The following ZC3H7B variants were observed in gnomAD, a reference collection of about 807,000 sequenced individuals.
ZC3H7B encodes zinc finger CCCH domain-containing protein 7B.
ZC3H7B carries 35 observed loss-of-function variants against 116.0 expected under a neutral mutation model. The observed-to-expected ratio is 0.30, with a 90% CI of 0.23 to 0.40. The LOEUF (loss-of-function observed/expected upper bound fraction) is 0.40. Ranked by LOEUF, ZC3H7B falls within the 10% of genes least tolerant of loss-of-function variation. The probability of loss-of-function intolerance (pLI) is 1.00; values close to 1 mark genes in which losing one functional copy is unlikely to be tolerated. For synonymous variants in ZC3H7B, 502 were observed against 545.6 expected (o/e 0.92, Z 1.11); for missense variants, 1,011 against 1,321.5 (o/e 0.77, Z 3.64).
chr22:41,326,612 TTCC>T (rs1166847950), intron 4 of ZC3H7B, among the ~76,000 whole-genome samples: 2 of 151,956 alleles, frequency 1.3e-5, no homozygotes, highest in Non-Finnish European at 2.9e-5. Context: ...CTTCAGTGCC[TTCC>T]TCCTCCTCCT....
rs372090926 is a variant in ZC3H7B at position 41,342,641 on chromosome 22, C to T, written c.1297+13C>T. On this transcript the variant is annotated intron_variant, in intron 12 of 22. Coordinates refer to ENST00000352645, the MANE Select transcript of ZC3H7B (RefSeq NM_017590.6). ...TACCCCAAGACAGGTAAACTTTCAC[C>T]TGTAGACTCCACCCCTCTGCCCAGA... The T allele has an allele frequency of 1.0e-5, 16 of 1,605,408 alleles. No individual in the cohort carries two copies. In the African/African-American group the frequency reaches 1.9e-4, roughly 19 times the overall value.
At chr22:41,311,785 CG>C (rs2036121361) in intron 1 of ZC3H7B, among the ~76,000 whole-genome samples, 1 of 151,928 alleles carries the variant, frequency 6.6e-6, no homozygotes, top group Non-Finnish European at 1.5e-5. Context: ...AATGGAAGCT[CG>C]GGGATGTTGG....
At chr22:41,318,062 T>TA in intron 1 of ZC3H7B, among the ~76,000 whole-genome samples, 1 of 152,218 alleles carries the variant, frequency 6.6e-6, no homozygotes, top group African/African-American at 2.4e-5. Context: ...AAGCTAGACA[T>TA]AGAGTGGCCC....
chr22:41,339,118 G>A lies in ZC3H7B; in HGVS notation c.743G>A (p.Ser248Asn). 6.2e-7 allele frequency: 1 copy of A among 1,612,858 alleles called. No homozygotes were observed. Among genetic ancestry groups the A allele is most frequent in the Non-Finnish European group, 8.5e-7 (1 of 1,179,468 alleles). Residue 248 changes from serine (S) to asparagine (N), a missense_variant, in exon 9 of 23, where the codon AGC (serine) becomes AAC (asparagine). Coordinates refer to ENST00000352645, the MANE Select transcript of ZC3H7B (RefSeq NM_017590.6). ...APLDSSRTLP[S>N]TDSLDDFSDG... is the part of the protein sequence containing the mutation. ...CTGGACAGCAGCAGGACCCTCCCCAGCACCGACAGCCTGGATGACTTCTCA... is the reference window on the plus strand; with the variant it reads ...CTGGACAGCAGCAGGACCCTCCCCAACACCGACAGCCTGGATGACTTCTCA...
chr22:41,320,444 G>T (rs1180947179), intron 1 of ZC3H7B, among the ~76,000 whole-genome samples: 1 of 152,114 alleles, frequency 6.6e-6, no homozygotes, highest in African/African-American at 2.4e-5. Context: ...TGTCCCTTGA[G>T]GGTACCACAC....
intron 1 of ZC3H7B, among the ~76,000 whole-genome samples, chr22:41,311,587 G>T (rs1215981213): frequency 2.0e-5 from 3 of 152,110 alleles, no homozygotes; most frequent in African/African-American, 4.8e-5. Flanking sequence ...GTCATAGGCA[G>T]CCTGGGTGTT....
intron 2 of ZC3H7B, among the ~76,000 whole-genome samples, chr22:41,324,881 T>C (rs1047267172): frequency 6.6e-6 from 1 of 152,182 alleles, no homozygotes; most frequent in South Asian, 2.1e-4. Context: ...ACACTCATAC[T>C]TCCTGCCTTT....
intron 1 of ZC3H7B, among the ~76,000 whole-genome samples, chr22:41,306,568 C>T (rs927133028): frequency 6.6e-6 from 1 of 152,020 alleles, no homozygotes; most frequent in Non-Finnish European, 1.5e-5. Context: ...CGGGGTTTTG[C>T]CATGTTGGCC....
chr22:41,340,631 C>T (rs1039395160), intron 10 of ZC3H7B, among the ~76,000 whole-genome samples: 4 of 152,094 alleles, frequency 2.6e-5, no homozygotes, highest in Non-Finnish European at 4.4e-5. Context: ...TGTCGGGGCA[C>T]GGAGGGGACT....
chr22:41,314,909 A>G (rs542680226), intron 1 of ZC3H7B, among the ~76,000 whole-genome samples: 1 of 150,204 alleles, frequency 6.7e-6, no homozygotes, highest in African/African-American at 2.4e-5. Flanking sequence ...TGCCCGGCCA[A>G]TCATTATTAT....
Position 41,342,580 on chromosome 22 carries a change from G to A in ZC3H7B, c.1249G>A (p.Ala417Thr), listed in dbSNP as rs1430141168. ...TALLIKNPLAATHEFKQACQL... is the reference protein window; with the variant it reads ...TALLIKNPLATTHEFKQACQL... ...CTTGCTCATCAAGAACCCCTTGGCT[G>A]CCACCCACGAGTTCAAGCAGGCCTG... The change falls in exon 12 of 23, where the codon GCC becomes ACC. Residue 417 changes from alanine to threonine, a missense_variant. Coordinates refer to ENST00000352645, the MANE Select transcript of ZC3H7B (RefSeq NM_017590.6). 1 of 1,613,320 alleles carries A rather than the reference G, an allele frequency of 6.2e-7. No homozygotes were observed. The highest frequency in any genetic ancestry group is 8.5e-7 in the Non-Finnish European group (1 of 1,179,914).
chr22:41,343,627 A>C (rs752076239), intron 13 of ZC3H7B, 51 bp downstream of exon 13: 3 of 1,504,228 alleles, frequency 2.0e-6, no homozygotes. Flanking sequence ...CAGCCCCTCC[A>C]CCCCCAGCCG....
chr22:41,325,706 C>T lies in ZC3H7B; in HGVS notation c.88-15C>T. 6.2e-7 allele frequency: 1 copy of T among 1,611,066 alleles called. No individual in the cohort carries two copies. The highest frequency in any genetic ancestry group is 8.5e-7 in the Non-Finnish European group (1 of 1,178,826). On this transcript the variant is annotated splice_polypyrimidine_tract_variant and intron_variant, in intron 3 of 22. Transcript: ENST00000352645. ...CCAGAGGTCATGAGCCCCCTACACA[C>T]CTTGCCCCCAACAGGCCTTTCTGCT...
Position 41,355,454 on chromosome 22 carries a change from C to T in ZC3H7B, c.2035-15C>T, listed in dbSNP as rs1468587593. ...GCCTGCAGCTTCACCAACCCCCCTCCCCATCCCCCCACAGGGTGCTCCGAG... is the reference window on the plus strand; with the variant it reads ...GCCTGCAGCTTCACCAACCCCCCTCTCCATCCCCCCACAGGGTGCTCCGAG... On this transcript the variant is annotated splice_polypyrimidine_tract_variant and intron_variant, in intron 17 of 22. Coordinates refer to ENST00000352645, the MANE Select transcript of ZC3H7B (RefSeq NM_017590.6). 1 of 1,613,390 alleles carries T rather than the reference C, an allele frequency of 6.2e-7. No homozygotes were observed. Among genetic ancestry groups the T allele is most frequent in the African/African-American group, 1.3e-5 (1 of 74,926 alleles).
chr22:41,349,027 G>T lies in ZC3H7B; in HGVS notation c.1767-93G>T. ...GTACATAGATCAGGGGGTGCCCAGGGAGAGCCTGGCACTGGGAAGGTGGCC... is the reference window on the plus strand; with the variant it reads ...GTACATAGATCAGGGGGTGCCCAGGTAGAGCCTGGCACTGGGAAGGTGGCC... On this transcript the variant is annotated intron_variant, in intron 15 of 22. Transcript: ENST00000352645. This position sits in a 1 kb window ranked among gnomAD's most constrained non-coding sequence, Gnocchi z 4.9. 1 of 1,376,800 alleles carries T rather than the reference G, an allele frequency of 7.3e-7. No homozygotes were observed. Among genetic ancestry groups the T allele is most frequent in the South Asian group, 1.3e-5 (1 of 74,722 alleles). The allele number at this position is 1,376,800 out of a possible 1,614,324, so 85.3% of individuals were successfully genotyped here.
chr22:41,355,144 G>A (rs1463463587), intron 17 of ZC3H7B, among the ~76,000 whole-genome samples: 2 of 152,232 alleles, frequency 1.3e-5, no homozygotes, highest in East Asian at 3.8e-4. Flanking sequence ...TGGAGGAAGG[G>A]CAGCGGGAAC....
At chr22:41,348,736 G>C (rs1244520045) in intron 15 of ZC3H7B, among the ~76,000 whole-genome samples, 1 of 152,234 alleles carries the variant, frequency 6.6e-6, no homozygotes, top group African/African-American at 2.4e-5. Flanking sequence ...TAAAGCTGAT[G>C]ATGCTCTAGG....
intron 1 of ZC3H7B, among the ~76,000 whole-genome samples, chr22:41,303,685 C>G (rs949378729): frequency 1.4e-5 from 2 of 138,282 alleles, no homozygotes; most frequent in African/African-American, 4.9e-5. Flanking sequence ...ACCCAGTTTT[C>G]TGGCTCCAAA....
intron 5 of ZC3H7B, among the ~76,000 whole-genome samples, chr22:41,329,332 C>T (rs1389054646): frequency 6.8e-6 from 1 of 147,548 alleles, no homozygotes; most frequent in African/African-American, 2.5e-5. Flanking sequence ...AGTCTTGGCT[C>T]ACTGCAACCA....
Sources: allele counts gnomAD v4.1 joint callset (sites outside exome capture counted in the v4.1 genomes callset), GRCh38; gene constraint gnomAD v4.1.1; non-coding constraint Gnocchi (gnomAD v3.1); transcripts MANE v1.5; gene names NCBI Gene and HGNC (gene_info 2026-07-23, HGNC 2026-07-21).